The following GNL3 variants were observed in gnomAD, a reference collection of about 807,000 sequenced individuals.
GNL3 encodes the protein guanine nucleotide-binding protein-like 3.
GNL3 carries 77 observed loss-of-function variants against 70.6 expected under a neutral mutation model. The observed-to-expected ratio is 1.09, with a 90% CI of 0.91 to 1.32. The LOEUF (loss-of-function observed/expected upper bound fraction) is 1.32. Among genes scored for constraint, GNL3 ranks in the 40% most tolerant of loss-of-function variants. The pLI, the probability that GNL3 is intolerant of heterozygous loss-of-function variation, is 0.00. For synonymous variants in GNL3, 252 were observed against 216.1 expected, an observed-to-expected ratio of 1.17 and a Z score of -1.46; for missense variants, 634 against 644.0, an observed-to-expected ratio of 0.98 and a Z score of 0.17.
At position 52,690,681 on chromosome 3, in the gene GNL3, A is replaced by G. The variant is rs2097326391; in HGVS notation, c.631A>G (p.Lys211Glu). The change falls in exon 7 of 15, where the codon AAG (lysine) becomes GAG (glutamate). Residue 211 changes from lysine to glutamate, a missense_variant. By Grantham distance (56) the Lys-to-Glu change is moderately conservative. Coordinates refer to ENST00000418458, the MANE Select transcript of GNL3 (RefSeq NM_014366.5). The part of the protein sequence containing the change: ...TVVFRASTKP[K>E]DKGKITKRVK... ...GGTGTTCAGAGCCTCAACAAAACCA[A>G]AGGATAAAGGGAAGATAACCAAGGT... The G allele has an allele frequency of 6.3e-7, 1 of 1,591,382 alleles. No individual in the cohort carries two copies. The highest frequency in any genetic ancestry group is 1.3e-5 in the African/African-American group (1 of 74,494).
At chr3:52,687,170 G>T (rs2097317600) in intron 2 of GNL3, 76 bp from the exon 3 acceptor site, 2 of 1,260,046 alleles carry the variant, frequency 1.6e-6, no homozygotes, top group Non-Finnish European at 2.3e-6. Context: ...ATTGCAGCCA[G>T]ATTGGTTTCT....
At chr3:52,688,984 T>A (rs1426383982) in intron 5 of GNL3, 90 bp from the exon 6 acceptor site, 14 of 1,036,236 alleles carry the variant, frequency 1.4e-5, no homozygotes. Context: ...ATGCCAGTAC[T>A]CTCTTGTGGA....
At position 52,693,793 on chromosome 3, in the gene GNL3, G is replaced by A; in HGVS notation, c.1486G>A (p.Asp496Asn). ...CAAAGACAGTGACCAGGAAACTGTT[G>A]ATGAAGAAGTTGATGTAAGTGTGTC... ...DDKDSDQETV[D>N]EEVDENSSGM... The change falls in exon 13 of 15, where the codon GAT (aspartate) becomes AAT (asparagine). Residue 496 changes from aspartate to asparagine, a missense_variant. Asp to Asn is a conservative substitution (Grantham distance 23). Coordinates refer to ENST00000418458, the MANE Select transcript of GNL3 (RefSeq NM_014366.5). The A allele has an allele frequency of 6.2e-7, 1 of 1,613,464 alleles. No individual in the cohort carries two copies. The highest frequency in any genetic ancestry group is 1.6e-4 in the Middle Eastern group (1 of 6,062).
chr3:52,693,796 G>A lies in GNL3; in HGVS notation c.1489G>A (p.Glu497Lys). The A allele has an allele frequency of 1.9e-6, 3 of 1,613,376 alleles. No individual in the cohort carries two copies. The highest frequency in any genetic ancestry group is 2.5e-6 in the Non-Finnish European group (3 of 1,179,424). Reference sequence around the variant, plus strand: ...AGACAGTGACCAGGAAACTGTTGATGAAGAAGTTGATGTAAGTGTGTCCTC... The same window carrying A: ...AGACAGTGACCAGGAAACTGTTGATAAAGAAGTTGATGTAAGTGTGTCCTC... ...DKDSDQETVDEEVDENSSGMF... is the reference protein window; with the variant it reads ...DKDSDQETVDKEVDENSSGMF... The change falls in exon 13 of 15, where the codon GAA becomes AAA. Residue 497 changes from glutamate to lysine, a missense_variant. By Grantham distance (56) the Glu-to-Lys change is moderately conservative. Transcript: ENST00000418458.
chr3:52,692,834 G>A, intron 9 of GNL3, 38 bp from the exon 10 acceptor site: 2 of 1,545,310 alleles, frequency 1.3e-6, no homozygotes, highest in Non-Finnish European at 1.8e-6. Context: ...CCTCCAAATA[G>A]ACCAATGCCC....
rs1310865785 is a variant in GNL3 at position 52,691,541 on chromosome 3, G to C, written c.782-1G>C. 2 of 1,539,718 alleles carry C rather than the reference G, an allele frequency of 1.3e-6. No individual in the cohort carries two copies. The highest frequency in any genetic ancestry group is 1.8e-6 in the Non-Finnish European group (2 of 1,116,016). ...TATCTGGATTTCCCATTTATTTGTA[G>C]GTTTCCCAAATGTGGGGAAAAGCAG... On this transcript the variant is annotated splice_acceptor_variant, in intron 8 of 14. Transcript: ENST00000418458. LOFTEE classifies it high-confidence loss of function.
At chr3:52,687,748 T>C (rs1027777197) in intron 4 of GNL3, 133 bp downstream of exon 4, 5 of 627,498 alleles carry the variant, frequency 8.0e-6, no homozygotes, top group Non-Finnish European at 1.1e-5. Flanking sequence ...TCTTACCACC[T>C]CAGTCTCCAA....
chr3:52,687,216 T>G, intron 2 of GNL3, 30 bp from the exon 3 acceptor site: 1 of 1,577,200 alleles, frequency 6.3e-7, no homozygotes. Flanking sequence ...GATATTTTTG[T>G]AAGCAGACAA....
In GNL3 at chr3:52,686,045, C is replaced by T. The variant is rs776460818; in HGVS notation, c.-48C>T. The T allele has an allele frequency of 1.4e-4, 123 of 897,272 alleles. 1 individual carries two copies. The Admixed American group carries it at 2.1e-3, about 15-fold the overall frequency. The allele number at this position is 897,272 out of a possible 1,614,324, so 55.6% of individuals were successfully genotyped here. ...GTCAGTGGCTTCAGTTCACACGTGG[C>T]GCCAGCGGAGGCAGGTTGATGTGTT... On this transcript the variant is annotated 5_prime_UTR_variant, in exon 1 of 15. Transcript: ENST00000418458.
upstream of GNL3, chr3:52,686,021 T>G: frequency 1.2e-6 from 1 of 811,472 alleles, no homozygotes. Context: ...GTGACGCTCG[T>G]CAGTGGCTTC....
chr3:52,692,455 G>A (rs2097328189), intron 9 of GNL3, among the ~76,000 whole-genome samples: 1 of 148,038 alleles, frequency 6.8e-6, no homozygotes, highest in African/African-American at 2.5e-5. Flanking sequence ...AGCCTCCTGA[G>A]TAGCTGGGAT....
At chr3:52,686,004 T>C, upstream of GNL3, 1 of 784,446 alleles carries the variant, frequency 1.3e-6, no homozygotes, top group Admixed American at 1.7e-5. Context: ...GGCGGCAGCG[T>C]AAGTGCGTGA....
rs1561253269 is a variant in GNL3 at position 52,688,106 on chromosome 3, TAGG to T, written c.325_327del (p.Glu109del). The T allele has an allele frequency of 6.4e-7, 1 of 1,571,102 alleles. No homozygotes were observed. Among genetic ancestry groups the T allele is most frequent in the Admixed American group, 1.7e-5 (1 of 59,946 alleles). On this transcript the variant is annotated splice_acceptor_variant and coding_sequence_variant, in exon 5 of 15. Coordinates refer to ENST00000418458, the MANE Select transcript of GNL3 (RefSeq NM_014366.5). LOFTEE classifies it high-confidence loss of function. ...TTGTGTTATTTCCCCCTTTATCCTC[TAGG>T]AGTTTGGGCTTTGCAAAACTGAGAA...
At chr3:52,687,457 C>T (rs1247050642) in intron 3 of GNL3, 45 bp from the exon 4 acceptor site, 6 of 1,585,678 alleles carry the variant, frequency 3.8e-6, no homozygotes, top group Non-Finnish European at 5.2e-6. Context: ...AGTAAGGTAA[C>T]AACACTAGTC....
chr3:52,693,679 G>T lies in GNL3; in HGVS notation c.1372G>T (p.Gly458Cys). ...LANSILFQSS[G>C]LTNGIIEEKD... ...CAATAGCATCCTTTTCCAGTCTTCCGGTCTGACAAATGGAATAATAGAAGA... is the reference window on the plus strand; with the variant it reads ...CAATAGCATCCTTTTCCAGTCTTCCTGTCTGACAAATGGAATAATAGAAGA... The change falls in exon 13 of 15, where the codon GGT becomes TGT. Residue 458 changes from glycine to cysteine, a missense_variant. Gly to Cys is a radical substitution (Grantham distance 159, BLOSUM62 -3). Transcript: ENST00000418458. 2 of 1,614,046 alleles carry T rather than the reference G, an allele frequency of 1.2e-6. No homozygotes were observed. The highest frequency in any genetic ancestry group is 1.7e-6 in the Non-Finnish European group (2 of 1,179,988).
intron 9 of GNL3, 96 bp from the exon 10 acceptor site, chr3:52,692,776 T>C (rs374065422): frequency 1.0e-5 from 9 of 880,598 alleles, no homozygotes; most frequent in Admixed American, 5.1e-5. Flanking sequence ...TGACTGACTG[T>C]GCTGAGTCTG....
At position 52,690,574 on chromosome 3, in the gene GNL3, A is replaced by C; in HGVS notation, c.542-18A>C. ...CACCGTGCCTGGCCGCAAATGTCTTATTTCTAATTGCTATCAGATCTGGTA... is the reference window on the plus strand; with the variant it reads ...CACCGTGCCTGGCCGCAAATGTCTTCTTTCTAATTGCTATCAGATCTGGTA... On this transcript the variant is annotated intron_variant, in intron 6 of 14. Transcript: ENST00000418458. The C allele has an allele frequency of 6.9e-7, 1 of 1,443,258 alleles. No homozygotes were observed. The highest frequency in any genetic ancestry group is 9.8e-7 in the Non-Finnish European group (1 of 1,024,386). 89.4% of individuals were successfully genotyped at this position (1,443,258 alleles called of 1,614,324 possible). A position where few individuals can be genotyped will look rare whatever the true frequency, so the allele number is the denominator to read the frequency against.
intron 1 of GNL3, 151 bp downstream of exon 1, chr3:52,686,256 G>T (rs573092465): frequency 3.8e-6 from 3 of 786,612 alleles, no homozygotes; most frequent in Admixed American, 2.3e-5. Flanking sequence ...TGGTAGAACC[G>T]AGAGTTGGAA....
chr3:52,693,038 G>C lies in GNL3; in HGVS notation c.1036G>C (p.Ala346Pro). ...AASAILSQAD[A>P]RQVVLKYTVP... ...CAGTGCCATCCTTTCCCAGGCTGAT[G>C]CTCGACAGGTAAAAGGACCCCTTCT... is the stretch of plus-strand genomic sequence containing the variant. Residue 346 changes from alanine (A) to proline (P), a missense_variant, in exon 10 of 15, where the codon GCT becomes CCT. Ala to Pro is a conservative substitution (Grantham distance 27, BLOSUM62 -1). Coordinates refer to ENST00000418458, the MANE Select transcript of GNL3 (RefSeq NM_014366.5). 1 of 1,614,144 alleles carries C rather than the reference G, an allele frequency of 6.2e-7. No homozygotes were observed. The highest frequency in any genetic ancestry group is 8.5e-7 in the Non-Finnish European group (1 of 1,179,984).
Sources: gnomAD v4.1 joint callset for allele counts (sites outside exome capture counted in the v4.1 genomes callset) on GRCh38, gnomAD v4.1.1 for gene constraint, MANE v1.5 for transcripts, NCBI Gene and HGNC (gene_info 2026-07-23, HGNC 2026-07-21) for gene names.